Variants in LRRC4C observed in about 807,000 individuals in gnomAD.
The protein encoded by LRRC4C is leucine-rich repeat-containing protein 4C.
Under a neutral mutation model 33.6 loss-of-function variants are expected in LRRC4C, and 5 were observed. The ratio of observed to expected loss-of-function variants is 0.15; its 90% confidence interval spans 0.08 to 0.31. LRRC4C has a LOEUF of 0.31. Among genes scored for constraint, LRRC4C ranks in the 10% least tolerant of loss-of-function variants. LRRC4C has a pLI of 1.00. For synonymous variants in LRRC4C, 329 were observed against 302.0 expected (o/e 1.09, Z -0.93); for missense variants, 560 against 796.7 (o/e 0.70, Z 3.58).
intron 2 of LRRC4C, among the ~76,000 whole-genome samples, chr11:40,874,868 C>T (rs1470983151): frequency 6.6e-6 from 1 of 152,080 alleles, no homozygotes; most frequent in Non-Finnish European, 1.5e-5. Flanking sequence ...CGCTGTTTTT[C>T]CCTAAGGAGA....
intron 4 of LRRC4C, among the ~76,000 whole-genome samples, chr11:40,249,295 C>G (rs1436553050): frequency 6.6e-6 from 1 of 152,044 alleles, no homozygotes; most frequent in Non-Finnish European, 1.5e-5. Flanking sequence ...GCCGAGATCG[C>G]ACTACTGCAC....
intron 2 of LRRC4C, among the ~76,000 whole-genome samples, chr11:40,750,688 G>A (rs1948649494): frequency 6.7e-6 from 1 of 150,200 alleles, no homozygotes; most frequent in African/African-American, 2.4e-5. Context: ...AGCATTAGGA[G>A]ATATACCTAA....
chr11:40,723,127 C>G lies in LRRC4C; in HGVS notation c.-406-74849G>C, dbSNP rs139497604. On this transcript the variant is annotated intron_variant, in intron 2 of 6. Transcript: ENST00000528697. ...TTATGTAAAGTGACCAAACCTATGA[C>G]TCATTGGCATTTCTGAGAGAGAAGA... Among the ~76,000 whole-genome samples the G allele has an allele frequency of 6.1e-3, 929 of 152,192 alleles. 10 individuals carry two copies. Among genetic ancestry groups the G allele is most frequent in the African/African-American group, 0.02 (830 of 41,526 alleles).
intron 1 of LRRC4C, among the ~76,000 whole-genome samples, chr11:41,091,138 T>C (rs1472123572): frequency 6.6e-6 from 1 of 152,116 alleles, no homozygotes; most frequent in Non-Finnish European, 1.5e-5. Context: ...GTCTCTGTTG[T>C]CTATGTAATA....
chr11:41,168,961 C>T (rs1256659418), intron 1 of LRRC4C, among the ~76,000 whole-genome samples: 3 of 152,122 alleles, frequency 2.0e-5, no homozygotes, highest in African/African-American at 7.2e-5. Flanking sequence ...CATACATAAT[C>T]GCCATTCTTC....
At chr11:41,415,108 A>G (rs183275702) in intron 1 of LRRC4C, among the ~76,000 whole-genome samples, 2 of 152,286 alleles carry the variant, frequency 1.3e-5, no homozygotes, top group Admixed American at 1.3e-4. Context: ...AATGCAAAAG[A>G]TGCTCATAAG....
chr11:40,514,769 A>G (rs369628269), intron 3 of LRRC4C, among the ~76,000 whole-genome samples: 1 of 152,152 alleles, frequency 6.6e-6, no homozygotes, highest in East Asian at 1.9e-4. Context: ...CAACCAAAAC[A>G]GGGAAATAAT....
chr11:41,323,300 G>T (rs1951012784), intron 1 of LRRC4C, among the ~76,000 whole-genome samples: 2 of 152,112 alleles, frequency 1.3e-5, no homozygotes. Flanking sequence ...TACAAACTCA[G>T]ATGCCTTTCA....
At chr11:40,896,840 A>G (rs1955965789) in intron 2 of LRRC4C, among the ~76,000 whole-genome samples, 1 of 152,196 alleles carries the variant, frequency 6.6e-6, no homozygotes, top group Non-Finnish European at 1.5e-5. Context: ...TGGCACTGTC[A>G]AGGAGACGTA....
chr11:40,961,311 G>C (rs879415452), intron 1 of LRRC4C, among the ~76,000 whole-genome samples: 2 of 151,638 alleles, frequency 1.3e-5, no homozygotes, highest in Non-Finnish European at 1.5e-5. Flanking sequence ...TGACAGAGTT[G>C]TTCTATTTTG....
intron 1 of LRRC4C, among the ~76,000 whole-genome samples, chr11:41,078,902 C>A (rs756626204): frequency 5.3e-5 from 8 of 152,156 alleles, no homozygotes; most frequent in Non-Finnish European, 8.8e-5. Flanking sequence ...TCATACAAAC[C>A]TCCATTCCAC....
intron 1 of LRRC4C, among the ~76,000 whole-genome samples, chr11:40,990,307 T>C (rs191672900): frequency 1.7e-4 from 25 of 143,284 alleles, no homozygotes; most frequent in Non-Finnish European, 2.9e-4. Flanking sequence ...CATGTATAAG[T>C]CAAGTAATGA....
At chr11:40,567,241 T>C (rs1046539576) in intron 3 of LRRC4C, among the ~76,000 whole-genome samples, 8 of 152,164 alleles carry the variant, frequency 5.3e-5, no homozygotes, top group Non-Finnish European at 1.0e-4. Flanking sequence ...CTAACCTTCC[T>C]TGCAGCCTTT....
At chr11:40,754,781 A>G (rs1472217370) in intron 2 of LRRC4C, among the ~76,000 whole-genome samples, 1 of 151,776 alleles carries the variant, frequency 6.6e-6, no homozygotes, top group Non-Finnish European at 1.5e-5. Flanking sequence ...TTTTTTTACT[A>G]AGTTAGCTAA....
intron 2 of LRRC4C, among the ~76,000 whole-genome samples, chr11:40,663,360 C>T (rs1425035569): frequency 1.3e-5 from 2 of 152,160 alleles, no homozygotes; most frequent in South Asian, 2.1e-4. Context: ...GGATTACAGG[C>T]GTGAGCCACC....
chr11:40,361,412 C>G (rs1399394740), intron 3 of LRRC4C, among the ~76,000 whole-genome samples: 1 of 152,066 alleles, frequency 6.6e-6, no homozygotes, highest in Non-Finnish European at 1.5e-5. Context: ...TTCTATACAC[C>G]AACGACAGTC....
At chr11:40,561,269 T>G (rs185618557) in intron 3 of LRRC4C, among the ~76,000 whole-genome samples, 11 of 152,280 alleles carry the variant, frequency 7.2e-5, no homozygotes, top group African/African-American at 2.2e-4. Context: ...TTTAACAAAT[T>G]ACTTAATCTC....
At chr11:41,276,471 A>G (rs767863024) in intron 1 of LRRC4C, among the ~76,000 whole-genome samples, 6 of 152,170 alleles carry the variant, frequency 3.9e-5, no homozygotes, top group Admixed American at 6.6e-5. Flanking sequence ...TCACAAAAGC[A>G]TTACTTGATT....
intron 1 of LRRC4C, among the ~76,000 whole-genome samples, chr11:41,286,474 C>G (rs1949831913): frequency 6.6e-6 from 1 of 152,018 alleles, no homozygotes; most frequent in South Asian, 2.1e-4. Flanking sequence ...AGAAGGAATC[C>G]CCTGAGTCTT....
Sources: allele counts gnomAD v4.1 joint callset (sites outside exome capture counted in the v4.1 genomes callset), GRCh38; gene constraint gnomAD v4.1.1; transcripts MANE v1.5; gene names NCBI Gene and HGNC (gene_info 2026-07-23, HGNC 2026-07-21).